The following PLCB4 variants were observed in gnomAD, a reference collection of about 807,000 sequenced individuals.
PLCB4 encodes 1-phosphatidylinositol 4,5-bisphosphate phosphodiesterase beta-4.
Under a neutral mutation model 178.8 loss-of-function variants are expected in PLCB4, and 77 were observed. That is an observed-to-expected ratio of 0.43 (90% confidence interval 0.36 to 0.52). PLCB4 has a LOEUF of 0.52. Among genes scored for constraint, PLCB4 ranks in the 20% least tolerant of loss-of-function variants. PLCB4 has a pLI of 0.00. For synonymous variants in PLCB4, 496 were observed against 490.8 expected (o/e 1.01, Z -0.14); for missense variants, 1,024 against 1,453.4 (o/e 0.70, Z 4.80).
intron 30 of PLCB4, among the ~76,000 whole-genome samples, chr20:9,441,340 G>T (rs564031633): frequency 6.6e-6 from 1 of 152,142 alleles, no homozygotes; most frequent in Non-Finnish European, 1.5e-5. Flanking sequence ...TTGGGGTGGG[G>T]TGGGGAATAA....
chr20:9,410,868 A>C (rs771336822), intron 24 of PLCB4, among the ~76,000 whole-genome samples, 169 bp from the exon 25 acceptor site: 1 of 152,208 alleles, frequency 6.6e-6, no homozygotes, highest in South Asian at 2.1e-4. Context: ...CATGAGGTCA[A>C]TTCAACATGG....
chr20:9,399,787 G>T (rs796108803), intron 19 of PLCB4, among the ~76,000 whole-genome samples: 1 of 152,296 alleles, frequency 6.6e-6, no homozygotes, highest in South Asian at 2.1e-4. Context: ...TGGCAGTTTA[G>T]ACATAAATTA....
intron 2 of PLCB4, among the ~76,000 whole-genome samples, chr20:9,157,004 G>A (rs1004319989): frequency 1.3e-5 from 2 of 151,570 alleles, no homozygotes; most frequent in Admixed American, 6.6e-5. Flanking sequence ...TGGACCTCAC[G>A]GATCACTAGT....
At chr20:9,470,709 C>T (rs2044132799) in intron 36 of PLCB4, among the ~76,000 whole-genome samples, 1 of 152,062 alleles carries the variant, frequency 6.6e-6, no homozygotes, top group South Asian at 2.1e-4. Context: ...TTTATTTGTG[C>T]AACTGTATGG....
chr20:9,292,906 C>G (rs1292759017), intron 3 of PLCB4, among the ~76,000 whole-genome samples: 2 of 152,206 alleles, frequency 1.3e-5, no homozygotes, highest in East Asian at 3.9e-4. Context: ...TGGCGAAACC[C>G]TGTCTCTACT....
chr20:9,337,200 A>C lies in PLCB4; in HGVS notation c.159A>C (p.Glu53Asp). ...GCTTCTTTCTGACATGGAGAAGTGA[A>C]GGCAAGGTATGGCCCAAGAAGAGCA... ...EFGFFLTWRS[E>D]GKEGQVLECS... is the part of the protein sequence containing the mutation. The change falls in exon 5 of 40, where the codon GAA becomes GAC. Residue 53 changes from glutamate to aspartate, a missense_variant. Physicochemically the swap from Glu to Asp is conservative, Grantham distance 45. Transcript: ENST00000378473. 1 of 1,611,582 alleles carries C rather than the reference A, an allele frequency of 6.2e-7. No homozygotes were observed. Among genetic ancestry groups the C allele is most frequent in the South Asian group, 1.1e-5 (1 of 91,004 alleles).
At chr20:9,101,256 C>T (rs2091138689) in intron 2 of PLCB4, among the ~76,000 whole-genome samples, 1 of 152,110 alleles carries the variant, frequency 6.6e-6, no homozygotes, top group Admixed American at 6.6e-5. Flanking sequence ...AAATCTGGGA[C>T]AAGGCGTCGA....
intron 3 of PLCB4, among the ~76,000 whole-genome samples, chr20:9,262,095 A>G (rs374850988): frequency 1.2e-4 from 19 of 152,298 alleles, no homozygotes; most frequent in African/African-American, 4.3e-4. Context: ...GGAATTTGGA[A>G]TTGTGTCTTC....
intron 19 of PLCB4, among the ~76,000 whole-genome samples, chr20:9,396,685 C>T (rs2038609403): frequency 6.6e-6 from 1 of 152,130 alleles, no homozygotes; most frequent in Non-Finnish European, 1.5e-5. Context: ...ATTGCAGATT[C>T]AGTTCTAGAC....
chr20:9,294,775 G>C (rs2094614582), intron 3 of PLCB4, among the ~76,000 whole-genome samples: 1 of 152,060 alleles, frequency 6.6e-6, no homozygotes, highest in Admixed American at 6.6e-5. Context: ...TTCTGATTTA[G>C]GTCTGGATGG....
intron 3 of PLCB4, among the ~76,000 whole-genome samples, chr20:9,278,280 A>G (rs2094466808): frequency 6.6e-6 from 1 of 152,028 alleles, no homozygotes. Context: ...TGCCATTTTT[A>G]TGCTAGTGTA....
intron 4 of PLCB4, among the ~76,000 whole-genome samples, chr20:9,318,988 A>C (rs984712082): frequency 6.6e-6 from 1 of 152,144 alleles, no homozygotes; most frequent in Non-Finnish European, 1.5e-5. Context: ...CCTTTTAATT[A>C]GGGTTGATGA....
At chr20:9,149,468 T>A (rs985999441) in intron 2 of PLCB4, among the ~76,000 whole-genome samples, 2 of 152,218 alleles carry the variant, frequency 1.3e-5, no homozygotes, top group Non-Finnish European at 2.9e-5. Flanking sequence ...CTTTGACTAA[T>A]AACGATTTAT....
intron 20 of PLCB4, 141 bp from the exon 21 acceptor site, chr20:9,405,172 C>T (rs1332409995): frequency 9.4e-6 from 5 of 533,862 alleles, no homozygotes; most frequent in Non-Finnish European, 1.7e-5. Context: ...GGCTTTTTGT[C>T]ATCAGTAATG....
chr20:9,078,210 G>C (rs1393745877), intron 1 of PLCB4, among the ~76,000 whole-genome samples: 2 of 152,032 alleles, frequency 1.3e-5, no homozygotes, highest in South Asian at 4.1e-4. Flanking sequence ...TGAACTCCTA[G>C]GCTCAAGCAG....
At chr20:9,398,445 C>A (rs1250654882) in intron 19 of PLCB4, among the ~76,000 whole-genome samples, 1 of 151,974 alleles carries the variant, frequency 6.6e-6, no homozygotes, top group Non-Finnish European at 1.5e-5. Context: ...AGAAAATACT[C>A]CTAAGATACA....
chr20:9,228,688 G>A (rs2093896510), intron 3 of PLCB4, among the ~76,000 whole-genome samples: 2 of 152,308 alleles, frequency 1.3e-5, no homozygotes, highest in South Asian at 4.1e-4. Flanking sequence ...GTGTGTTTAT[G>A]TGTATATGTA....
intron 3 of PLCB4, among the ~76,000 whole-genome samples, chr20:9,259,242 A>G (rs1055973968): frequency 2.6e-5 from 4 of 152,198 alleles, no homozygotes; most frequent in Non-Finnish European, 4.4e-5. Context: ...TTTAGTGATA[A>G]TATTGCATGG....
intron 3 of PLCB4, among the ~76,000 whole-genome samples, chr20:9,252,496 C>G (rs2094191953): frequency 6.6e-6 from 1 of 152,162 alleles, no homozygotes; most frequent in Non-Finnish European, 1.5e-5. Context: ...CACCCTATCC[C>G]AGAACCTTGG....
Sources: gnomAD v4.1 joint callset for allele counts (sites outside exome capture counted in the v4.1 genomes callset) on GRCh38, gnomAD v4.1.1 for gene constraint, MANE v1.5 for transcripts, NCBI Gene and HGNC (gene_info 2026-07-23, HGNC 2026-07-21) for gene names.